GRAMD1C: variants seen among roughly 807,000 people sequenced by gnomAD.
GRAMD1C encodes the protein protein Aster-C.
Under a neutral mutation model 97.8 loss-of-function variants are expected in GRAMD1C, and 89 were observed. The observed-to-expected ratio is 0.91, with a 90% CI of 0.77 to 1.09. The LOEUF is 1.09. GRAMD1C is among the 50% of genes least tolerant of loss of function. The probability of loss-of-function intolerance (pLI) is 0.00; values close to 1 mark genes in which losing one functional copy is unlikely to be tolerated. For missense variants in GRAMD1C, 740 were observed against 766.4 expected, an observed-to-expected ratio of 0.97 and a Z score of 0.41; for synonymous variants, 256 against 267.0, an observed-to-expected ratio of 0.96 and a Z score of 0.40.
At chr3:113,856,131 G>A (rs547023986) in intron 2 of GRAMD1C, among the ~76,000 whole-genome samples, 88 of 152,160 alleles carry the variant, frequency 5.8e-4, no homozygotes, top group African/African-American at 2.0e-3. Context: ...CAAGTGATCT[G>A]CCCACCTCGG....
chr3:113,850,485 A>G (rs1188683192), intron 2 of GRAMD1C: 6 of 1,516,128 alleles, frequency 4.0e-6, no homozygotes, highest in Non-Finnish European at 4.6e-6. Context: ...GGGCAGATGA[A>G]GATAATCATG....
At chr3:113,927,362 G>A (rs1400781694) in intron 10 of GRAMD1C, among the ~76,000 whole-genome samples, 1 of 152,084 alleles carries the variant, frequency 6.6e-6, no homozygotes, top group African/African-American at 2.4e-5. Context: ...GGACCACGGG[G>A]CTCTTTTAAG....
chr3:113,904,103 G>A, intron 7 of GRAMD1C, 37 bp from the exon 8 acceptor site: 1 of 1,561,820 alleles, frequency 6.4e-7, no homozygotes, highest in Non-Finnish European at 8.8e-7. Flanking sequence ...TTGTGTGGAG[G>A]TGACCTTATA....
chr3:113,938,980 C>T (rs138886818), intron 15 of GRAMD1C: 19 of 152,190 alleles, frequency 1.2e-4, no homozygotes, highest in East Asian at 1.2e-3. Context: ...CAGTTTTCTA[C>T]GACAGTTCTG....
intron 1 of GRAMD1C, among the ~76,000 whole-genome samples, chr3:113,843,153 C>T (rs1308547177): frequency 1.4e-5 from 2 of 142,634 alleles, no homozygotes; most frequent in Admixed American, 7.4e-5. Flanking sequence ...TGGCTTACTA[C>T]AGTCTTGACC....
intron 1 of GRAMD1C, among the ~76,000 whole-genome samples, chr3:113,832,110 C>T (rs1201231362): frequency 6.6e-6 from 1 of 151,856 alleles, no homozygotes; most frequent in Non-Finnish European, 1.5e-5. Context: ...GATCTCGATT[C>T]ATTGCAGCCT....
intron 3 of GRAMD1C, among the ~76,000 whole-genome samples, chr3:113,873,707 T>C (rs1327161533): frequency 6.6e-6 from 1 of 152,000 alleles, no homozygotes; most frequent in Non-Finnish European, 1.5e-5. Context: ...TTAGTAGAGA[T>C]GAGGTTTCAC....
chr3:113,899,457 T>TGGA (rs202120777), intron 6 of GRAMD1C, among the ~76,000 whole-genome samples: 1 of 151,642 alleles, frequency 6.6e-6, no homozygotes, highest in Non-Finnish European at 1.5e-5. Context: ...TCTCTTCAAC[T>TGGA]ATATTAAAAG....
chr3:113,923,270 C>A (rs937530258), intron 10 of GRAMD1C, among the ~76,000 whole-genome samples: 1 of 152,046 alleles, frequency 6.6e-6, no homozygotes, highest in Non-Finnish European at 1.5e-5. Flanking sequence ...CTTTCCCTTG[C>A]CTGATTGTTC....
At chr3:113,850,943 C>T (rs1332122332) in intron 2 of GRAMD1C, among the ~76,000 whole-genome samples, 1 of 151,998 alleles carries the variant, frequency 6.6e-6, no homozygotes, top group Non-Finnish European at 1.5e-5. Context: ...GCTGGGACTA[C>T]AGGCGCGTGC....
chr3:113,933,795 TG>T, intron 12 of GRAMD1C, 142 bp downstream of exon 12: 1 of 604,358 alleles, frequency 1.7e-6, no homozygotes, highest in East Asian at 2.9e-5. Flanking sequence ...AGCAGAGGAG[TG>T]GGGCTTCTCA....
chr3:113,828,273 C>G (rs73855290), exon 1 of GRAMD1C: 3 of 152,104 alleles, frequency 2.0e-5, no homozygotes, highest in African/African-American at 4.8e-5. Flanking sequence ...ACCAGGTGCC[C>G]GGCCATGTAA....
chr3:113,887,903 A>G (rs1335557149), intron 6 of GRAMD1C, among the ~76,000 whole-genome samples: 1 of 152,172 alleles, frequency 6.6e-6, no homozygotes, highest in African/African-American at 2.4e-5. Flanking sequence ...TGAAATGGAT[A>G]AGTACTTAGA....
intron 2 of GRAMD1C, among the ~76,000 whole-genome samples, chr3:113,868,326 C>T (rs1934663315): frequency 6.6e-6 from 1 of 151,794 alleles, no homozygotes; most frequent in African/African-American, 2.4e-5. Context: ...TTTTTCTTTC[C>T]TTAGTATGAG....
intron 6 of GRAMD1C, among the ~76,000 whole-genome samples, chr3:113,887,664 C>T (rs1267625093): frequency 6.8e-6 from 1 of 146,768 alleles, no homozygotes; most frequent in Non-Finnish European, 1.5e-5. Flanking sequence ...GCCGAGATTG[C>T]TCCACTGCAC....
chr3:113,838,857 G>A lies in GRAMD1C; in HGVS notation c.-53G>A, dbSNP rs1341948466. 3 of 1,200,270 alleles carry A rather than the reference G, an allele frequency of 2.5e-6. No individual in the cohort carries two copies. The highest frequency in any genetic ancestry group is 3.2e-5 in the East Asian group (1 of 30,902). 74.4% of individuals were successfully genotyped at this position (1,200,270 alleles called of 1,614,324 possible). On this transcript the variant is annotated 5_prime_UTR_variant, in exon 1 of 18. Coordinates refer to ENST00000358160, the MANE Select transcript of GRAMD1C (RefSeq NM_017577.5). ...AGCGCGCGCTGGAGGTGGGCGCGGG[G>A]CGGTGCGGTGCGGTGCGCGCGGGGC... is the stretch of plus-strand genomic sequence containing the variant.
intron 9 of GRAMD1C, among the ~76,000 whole-genome samples, chr3:113,915,055 A>G (rs1936757453): frequency 1.3e-5 from 2 of 152,210 alleles, no homozygotes; most frequent in African/African-American, 4.8e-5. Flanking sequence ...TTTCAACATC[A>G]CTATGATTAT....
Position 113,939,844 on chromosome 3 carries a change from G to A in GRAMD1C, c.1692-42G>A, listed in dbSNP as rs773391970. 31 of 1,017,364 alleles carry A rather than the reference G, an allele frequency of 3.0e-5. No homozygotes were observed. In the South Asian group the frequency reaches 3.8e-4, roughly 13 times the overall value. 63.0% of individuals were successfully genotyped at this position (1,017,364 alleles called of 1,614,324 possible). ...ATATTCTGCATTAGCAATGCTTTAG[G>A]TCTGGAAAAGTGTGGATTAACATAT... On this transcript the variant is annotated intron_variant, in intron 15 of 17. Transcript: ENST00000358160.
At chr3:113,930,915 AC>A in intron 11 of GRAMD1C, 83 bp downstream of exon 11, 1 of 693,784 alleles carries the variant, frequency 1.4e-6, no homozygotes, top group South Asian at 1.9e-5. Flanking sequence ...AATTTACAAG[AC>A]AGTTTCAATA....
Sources: gnomAD v4.1 joint callset for allele counts (sites outside exome capture counted in the v4.1 genomes callset) on GRCh38, gnomAD v4.1.1 for gene constraint, MANE v1.5 for transcripts, NCBI Gene and HGNC (gene_info 2026-07-23, HGNC 2026-07-21) for gene names.